Variants in INPP4B observed in about 807,000 individuals in gnomAD.
INPP4B encodes inositol polyphosphate 4-phosphatase type II.
Under a neutral mutation model 122.5 loss-of-function variants are expected in INPP4B, and 55 were observed. The observed-to-expected ratio is 0.45, with a 90% CI of 0.36 to 0.56. The LOEUF (loss-of-function observed/expected upper bound fraction) is 0.56. INPP4B is among the 20% of genes least tolerant of loss of function. INPP4B has a pLI of 0.00. For missense variants in INPP4B, 1,000 were observed against 1,097.7 expected, an observed-to-expected ratio of 0.91 and a Z score of 1.26; for synonymous variants, 403 against 388.7, an observed-to-expected ratio of 1.04 and a Z score of -0.43.
intron 1 of INPP4B, among the ~76,000 whole-genome samples, chr4:142,769,730 C>T (rs1772740934): frequency 6.6e-6 from 1 of 151,920 alleles, no homozygotes; most frequent in Admixed American, 6.6e-5. Flanking sequence ...GCTTGGCCAA[C>T]ATGGTAAAAC....
intron 9 of INPP4B, chr4:142,287,095 A>G (rs1033198230): frequency 2.6e-5 from 4 of 152,064 alleles, no homozygotes; most frequent in Non-Finnish European, 5.9e-5. Context: ...TAGAGTTACA[A>G]TTTTCTTTAT....
intron 2 of INPP4B, among the ~76,000 whole-genome samples, chr4:142,649,501 G>A (rs1752487624): frequency 6.6e-6 from 1 of 152,154 alleles, no homozygotes; most frequent in Non-Finnish European, 1.5e-5. Flanking sequence ...AGGCTAACTA[G>A]GATAAACAGT....
chr4:142,841,934 T>C (rs1783545518), intron 1 of INPP4B, among the ~76,000 whole-genome samples: 1 of 151,850 alleles, frequency 6.6e-6, no homozygotes, highest in Non-Finnish European at 1.5e-5. Flanking sequence ...TTTATTTTCA[T>C]AACCAGAAGA....
At chr4:142,624,018 G>A (rs1275371121) in intron 2 of INPP4B, among the ~76,000 whole-genome samples, 14 of 152,070 alleles carry the variant, frequency 9.2e-5, no homozygotes, top group African/African-American at 1.4e-4. Flanking sequence ...GAATACTGCC[G>A]CAATAAACAT....
At chr4:142,117,349 A>G (rs1389062084) in intron 21 of INPP4B, among the ~76,000 whole-genome samples, 1 of 152,138 alleles carries the variant, frequency 6.6e-6, no homozygotes, top group East Asian at 1.9e-4. Flanking sequence ...CCTGGCAGAG[A>G]CACAACAAAA....
At chr4:142,297,754 C>A (rs144750567) in intron 9 of INPP4B, among the ~76,000 whole-genome samples, 42 of 152,242 alleles carry the variant, frequency 2.8e-4, no homozygotes, top group African/African-American at 9.4e-4. Context: ...CCTAACACAC[C>A]AAGTTTAGAG....
chr4:142,119,927 TA>T (rs1040910191), intron 21 of INPP4B, among the ~76,000 whole-genome samples: 1 of 151,290 alleles, frequency 6.6e-6, no homozygotes, highest in Middle Eastern at 3.5e-3. Flanking sequence ...TAGAACTCAT[TA>T]CCTAAACCCA....
At chr4:142,231,221 G>A (rs1400203352) in intron 12 of INPP4B, among the ~76,000 whole-genome samples, 1 of 152,224 alleles carries the variant, frequency 6.6e-6, no homozygotes, top group Non-Finnish European at 1.5e-5. Context: ...GACACTATGT[G>A]CAAGTGATGC....
intron 9 of INPP4B, among the ~76,000 whole-genome samples, chr4:142,279,554 A>G (rs1750216073): frequency 1.2e-5 from 1 of 80,444 alleles, no homozygotes; most frequent in Non-Finnish European, 2.4e-5. Context: ...GAAAAAAAAT[A>G]AACTCTGCTT....
intron 11 of INPP4B, among the ~76,000 whole-genome samples, chr4:142,250,474 C>T (rs994411045): frequency 1.3e-5 from 2 of 152,116 alleles, no homozygotes; most frequent in African/African-American, 2.4e-5. Context: ...ACTTTGCCTA[C>T]AGATTAAAGA....
chr4:142,461,956 G>C (rs1164240898), intron 3 of INPP4B, among the ~76,000 whole-genome samples: 2 of 152,092 alleles, frequency 1.3e-5, no homozygotes, highest in Admixed American at 6.6e-5. Context: ...TGGATATTAA[G>C]GACCTATGGG....
At chr4:142,382,291 C>T (rs1579907593) in intron 7 of INPP4B, among the ~76,000 whole-genome samples, 1 of 151,738 alleles carries the variant, frequency 6.6e-6, no homozygotes, top group Non-Finnish European at 1.5e-5. Context: ...GGTGGATCAC[C>T]TGAGATCAGG....
chr4:142,240,262 AAACTCCTG>A, intron 11 of INPP4B, among the ~76,000 whole-genome samples: 1 of 151,694 alleles, frequency 6.6e-6, no homozygotes, highest in South Asian at 2.1e-4. Context: ...CTTAAACTCC[AAACTCCTG>A]GGCTCAAGCT....
chr4:142,294,568 A>G (rs1246502622), intron 9 of INPP4B, among the ~76,000 whole-genome samples: 1 of 152,034 alleles, frequency 6.6e-6, no homozygotes, highest in African/African-American at 2.4e-5. Context: ...TCTAAGGTGC[A>G]CCATCTGCAC....
chr4:142,283,154 G>A (rs761656999), intron 9 of INPP4B, among the ~76,000 whole-genome samples: 7 of 152,032 alleles, frequency 4.6e-5, no homozygotes, highest in Non-Finnish European at 1.0e-4. Context: ...AAGATACTGT[G>A]ACTGACTGGC....
intron 25 of INPP4B, among the ~76,000 whole-genome samples, chr4:142,070,303 C>T (rs62186465): frequency 6.6e-6 from 1 of 152,158 alleles, no homozygotes; most frequent in Admixed American, 6.6e-5. Flanking sequence ...ATGATAAAAA[C>T]TCTCAATAAA....
chr4:142,255,244 A>C (rs1385356561), intron 11 of INPP4B, among the ~76,000 whole-genome samples: 13 of 152,182 alleles, frequency 8.5e-5, no homozygotes, highest in Admixed American at 7.9e-4. Context: ...CAGCCGCTGC[A>C]AAATCATGCC....
chr4:142,690,446 AC>A (rs143084676), intron 2 of INPP4B, among the ~76,000 whole-genome samples: 11,071 of 152,042 alleles, frequency 0.073, 444 homozygotes, highest in South Asian at 0.1. Context: ...CCAATTTCCC[AC>A]CCTCTTCAGT....
intron 1 of INPP4B, among the ~76,000 whole-genome samples, chr4:142,797,301 AC>A (rs919355345): frequency 1.3e-5 from 2 of 152,156 alleles, no homozygotes; most frequent in African/African-American, 4.8e-5. Flanking sequence ...TCTTAGACTT[AC>A]GTTCTACTGC....
Sources: gnomAD v4.1 joint callset for allele counts (sites outside exome capture counted in the v4.1 genomes callset) on GRCh38, gnomAD v4.1.1 for gene constraint, MANE v1.5 for transcripts, NCBI Gene and HGNC (gene_info 2026-07-23, HGNC 2026-07-21) for gene names.